THSD1: variants seen among roughly 807,000 people sequenced by gnomAD.
THSD1 encodes thrombospondin type 1 domain containing 1, also known as thrombospondin type-1 domain-containing protein 1.
In THSD1, 34 loss-of-function variants were observed where a neutral mutation model predicts 46.3. The observed-to-expected ratio is 0.74, with a 90% CI of 0.56 to 0.98. THSD1 has a LOEUF of 0.98. Ranked by LOEUF, THSD1 falls within the 50% of genes least tolerant of loss-of-function variation. The pLI, the probability that THSD1 is intolerant of heterozygous loss-of-function variation, is 0.00. For synonymous variants in THSD1, 407 were observed against 416.5 expected (o/e 0.98, Z 0.28); for missense variants, 1,023 against 1,058.3 (o/e 0.97, Z 0.46).
In THSD1 at chr13:52,387,776, C is replaced by CA. The variant is rs145605771; in HGVS notation, c.1022-1591dup. On this transcript the variant is annotated intron_variant, in intron 3 of 4. Transcript: ENST00000258613. ...TAGAAATGTCCCAAACTAAAAAACA[C>CA]AAAGAGGAAAAAAAGAGTACATAAA... Among the ~76,000 whole-genome samples, 1,188 of 151,798 alleles carry CA rather than the reference C, an allele frequency of 7.8e-3. 10 individuals carry two copies. The highest frequency in any genetic ancestry group is 0.027 in the African/African-American group (1,115 of 41,414).
rs138873579 is a variant in THSD1 at position 52,386,085 on chromosome 13, G to A, written c.1123C>T (p.Pro375Ser). Residue 375 changes from proline to serine, a missense_variant, in exon 4 of 5, where the codon CCT becomes TCT. Physicochemically the swap from Pro to Ser is moderately conservative, Grantham distance 74 (BLOSUM62 -1). Transcript: ENST00000258613. The stretch of plus-strand genomic sequence containing the variant: ...TCCAAGGACATTCCAGGGCAGACAG[G>A]ACTGGAGGGGAAGGAAGTGAGACAC... The part of the protein sequence containing the change: ...RVCLTSFPSS[P>S]VCPGMSLEAS... The A allele has an allele frequency of 1.2e-4, 199 of 1,614,058 alleles. 1 individual carries two copies. The African/African-American group carries it at 2.5e-3, about 20-fold the overall frequency.
At chr13:52,384,395 C>T (rs1486474520) in intron 4 of THSD1, 1 of 455,786 alleles carries the variant, frequency 2.2e-6, no homozygotes, top group African/African-American at 2.0e-5. Flanking sequence ...GGACAGGCCA[C>T]CCACCCTCCC....
intron 4 of THSD1, among the ~76,000 whole-genome samples, chr13:52,382,753 C>T (rs1957702410): frequency 6.6e-6 from 1 of 152,152 alleles, no homozygotes; most frequent in African/African-American, 2.4e-5. Context: ...GTAATCCCAG[C>T]ACTTTGGGAG....
chr13:52,401,583 G>A (rs893824039), intron 2 of THSD1, among the ~76,000 whole-genome samples: 2 of 152,184 alleles, frequency 1.3e-5, no homozygotes, highest in Non-Finnish European at 2.9e-5. Context: ...ACAGGCATGA[G>A]CCACCGCGCC....
intron 4 of THSD1, among the ~76,000 whole-genome samples, chr13:52,383,194 T>C (rs376564767): frequency 6.6e-6 from 1 of 152,172 alleles, no homozygotes; most frequent in East Asian, 1.9e-4. Flanking sequence ...ATCTTATTAA[T>C]ACATTCCCGA....
chr13:52,384,364 A>G (rs780792930), intron 4 of THSD1: 2 of 455,906 alleles, frequency 4.4e-6, no homozygotes, highest in South Asian at 3.1e-5. Flanking sequence ...CAGTGCCCCT[A>G]CTTTCTAGCT....
Position 52,385,875 on chromosome 13 carries a change from C to G in THSD1, c.1180+153G>C. On this transcript the variant is annotated intron_variant, in intron 4 of 4. Transcript: ENST00000258613. ...CTATTCCCGGTCTTAGATACACTAACAAATACAGGGTTAGTACAACCAACA... is the reference window on the plus strand; with the variant it reads ...CTATTCCCGGTCTTAGATACACTAAGAAATACAGGGTTAGTACAACCAACA... 3 of 603,906 alleles carry G rather than the reference C, an allele frequency of 5.0e-6. No homozygotes were observed. The South Asian group carries it at 8.9e-5, about 18-fold the overall frequency. The allele number at this position is 603,906 out of a possible 1,614,324, so 37.4% of individuals were successfully genotyped here. A position where few individuals can be genotyped will look rare whatever the true frequency, so the allele number is the denominator to read the frequency against.
chr13:52,384,254 T>C (rs1342708782), intron 4 of THSD1: 12 of 332,788 alleles, frequency 3.6e-5, no homozygotes, highest in East Asian at 3.3e-4. Context: ...TCAAAAATGA[T>C]TGTTAATTCC....
At chr13:52,398,450 G>A in intron 2 of THSD1, 1 of 803,380 alleles carries the variant, frequency 1.2e-6, no homozygotes, top group Non-Finnish European at 1.5e-6. Flanking sequence ...TCTTTTTGTA[G>A]AGACTGGTTT....
chr13:52,378,545 G>T lies in THSD1; in HGVS notation c.1425C>A (p.Arg475=). Residue 475 remains arginine, a synonymous_variant, in exon 5 of 5, where the codon CGC becomes CGA. Transcript: ENST00000258613. ...EENICELSEQ[R]GSFSDGGDGP... ...CGTCTCCCCCATCCGAGAAGCTCCC[G>T]CGCTGCTCGCTCAGCTCGCAGATAT... is the stretch of plus-strand genomic sequence containing the variant. 1.2e-6 allele frequency: 2 copies of T among 1,614,090 alleles called. No individual in the cohort carries two copies. The highest frequency in any genetic ancestry group is 1.7e-6 in the Non-Finnish European group (2 of 1,180,024).
chr13:52,384,482 G>T, intron 4 of THSD1: 1 of 449,524 alleles, frequency 2.2e-6, no homozygotes, highest in Non-Finnish European at 4.5e-6. Context: ...TTAGAAAAAT[G>T]CCTGGCAGGC....
chr13:52,400,660 C>G (rs775300227), intron 2 of THSD1, among the ~76,000 whole-genome samples: 13 of 152,152 alleles, frequency 8.5e-5, no homozygotes, highest in Non-Finnish European at 1.9e-4. Flanking sequence ...ATCCTGACTA[C>G]TGTAATATAC....
At position 52,393,307 on chromosome 13, in the gene THSD1, A is replaced by C. The variant is rs75214153; in HGVS notation, c.1021+3925T>G. On this transcript the variant is annotated intron_variant, in intron 3 of 4. Coordinates refer to ENST00000258613, the MANE Select transcript of THSD1 (RefSeq NM_018676.4). ...GCCTGATGCAAAGTAATCACTGTGT[A>C]AATATTTATCCCATTAAGTGGAATA... Among the ~76,000 whole-genome samples, 712 of 152,376 alleles carry C rather than the reference A, an allele frequency of 4.7e-3. 6 individuals are homozygous for C. Among genetic ancestry groups the C allele is most frequent in the African/African-American group, 0.016 (676 of 41,592 alleles).
intron 3 of THSD1, among the ~76,000 whole-genome samples, chr13:52,396,338 A>G (rs555325879): frequency 2.6e-5 from 4 of 152,254 alleles, no homozygotes; most frequent in African/African-American, 9.6e-5. Flanking sequence ...CCTGGCTAAC[A>G]CAGTGAAACC....
At chr13:52,403,074 T>C in intron 1 of THSD1, 1 of 546,492 alleles carries the variant, frequency 1.8e-6, no homozygotes, top group Non-Finnish European at 2.3e-6. Flanking sequence ...ACTAAATTTC[T>C]GCTAAACTTT....
intron 1 of THSD1, 98 bp from the exon 2 acceptor site, chr13:52,402,779 A>G: frequency 7.2e-7 from 1 of 1,394,194 alleles, no homozygotes; most frequent in Non-Finnish European, 9.3e-7. Context: ...CAAACTTTCT[A>G]AGTGATATTG....
intron 4 of THSD1, 112 bp from the exon 5 acceptor site, chr13:52,378,901 T>TA: frequency 8.1e-7 from 1 of 1,237,236 alleles, no homozygotes; most frequent in Non-Finnish European, 1.1e-6. Context: ...CTTGCTCTGT[T>TA]GCCCAGGCTG....
intron 4 of THSD1, among the ~76,000 whole-genome samples, chr13:52,383,508 A>G (rs1482618427): frequency 6.6e-6 from 1 of 152,224 alleles, no homozygotes; most frequent in Non-Finnish European, 1.5e-5. Flanking sequence ...CTTCACCTGC[A>G]GTGGCTGCTC....
In THSD1 at chr13:52,397,501, G is replaced by A. The variant is rs978745250; in HGVS notation, c.752C>T (p.Thr251Ile). Residue 251 changes from threonine to isoleucine, a missense_variant, in exon 3 of 5, where the codon ACA becomes ATA. Thr to Ile is a moderately conservative substitution (Grantham distance 89). Around this residue, in one of 3 missense-constraint regions of THSD1, gnomAD observed 429 missense variants for 518.3 expected, o/e 0.83. Coordinates refer to ENST00000258613, the MANE Select transcript of THSD1 (RefSeq NM_018676.4). ...TGTCACCTCTACCCCGGACTCACAT[G>A]TGAGTTCTGGCACCATCACCAGTTT... is the stretch of plus-strand genomic sequence containing the variant. The part of the protein sequence containing the change: ...GYKLVMVPEL[T>I]CESGVEVTVL... 1 of 1,614,106 alleles carries A rather than the reference G, an allele frequency of 6.2e-7. No homozygotes were observed. Among genetic ancestry groups the A allele is most frequent in the Non-Finnish European group, 8.5e-7 (1 of 1,180,022 alleles).
Sources: gnomAD v4.1 joint callset for allele counts (sites outside exome capture counted in the v4.1 genomes callset) on GRCh38, gnomAD v4.1.1 for gene constraint, gnomAD v4.1.1 regional missense constraint, MANE v1.5 for transcripts, NCBI Gene and HGNC (gene_info 2026-07-23, HGNC 2026-07-21) for gene names.